Variants in DCP1B observed in about 807,000 individuals in gnomAD.
DCP1B encodes mRNA-decapping enzyme 1B.
A neutral mutation model predicts 60.5 loss-of-function variants in DCP1B; 47 were observed. The ratio of observed to expected loss-of-function variants is 0.78; its 90% CI spans 0.61 to 0.99. The LOEUF (loss-of-function observed/expected upper bound fraction) is 0.99. Among genes scored for constraint, DCP1B ranks in the 50% least tolerant of loss-of-function variants. DCP1B has a pLI of 0.00. For synonymous variants in DCP1B, 267 were observed against 280.3 expected (o/e 0.95, Z 0.47); for missense variants, 725 against 756.8 (o/e 0.96, Z 0.49).
intron 3 of DCP1B, among the ~76,000 whole-genome samples, chr12:1,973,743 A>G (rs989544609): frequency 6.6e-6 from 1 of 152,228 alleles, no homozygotes; most frequent in Non-Finnish European, 1.5e-5. Context: ...AAAAATTAGG[A>G]AGCAGAAAAG....
intron 5 of DCP1B, among the ~76,000 whole-genome samples, chr12:1,961,633 T>C (rs552221811): frequency 1.2e-4 from 18 of 152,136 alleles, no homozygotes; most frequent in Non-Finnish European, 2.1e-4. Flanking sequence ...CTTAATGTAA[T>C]AAATGAGGAA....
chr12:1,989,890 T>C (rs2038913321), intron 3 of DCP1B, among the ~76,000 whole-genome samples: 1 of 152,252 alleles, frequency 6.6e-6, no homozygotes, highest in South Asian at 2.1e-4. Context: ...ATTCAGCTTT[T>C]TGTTAAATTA....
intron 5 of DCP1B, among the ~76,000 whole-genome samples, chr12:1,959,313 A>C (rs2031034662): frequency 6.6e-6 from 1 of 152,254 alleles, no homozygotes; most frequent in Non-Finnish European, 1.5e-5. Context: ...GAGTGGAGGA[A>C]GATACCTGCA....
At chr12:1,998,035 A>G (rs542786353) in intron 1 of DCP1B, 60 bp from the exon 2 acceptor site, 3 of 1,462,818 alleles carry the variant, frequency 2.1e-6, no homozygotes, top group African/African-American at 2.9e-5. Context: ...ACAAAGGTAT[A>G]AAACAAATTC....
At chr12:1,949,021 C>A in intron 8 of DCP1B, 65 bp downstream of exon 8, 1 of 1,573,858 alleles carries the variant, frequency 6.4e-7, no homozygotes, top group South Asian at 1.2e-5. Flanking sequence ...GTCTTTATCT[C>A]ATAGTTGCAG....
At chr12:1,972,650 C>T (rs553407900) in intron 3 of DCP1B, among the ~76,000 whole-genome samples, 1 of 152,272 alleles carries the variant, frequency 6.6e-6, no homozygotes, top group African/African-American at 2.4e-5. Context: ...CTAAAACATG[C>T]CCTTCTCCCA....
chr12:1,995,499 G>T (rs1436150907), intron 2 of DCP1B, among the ~76,000 whole-genome samples: 4 of 152,254 alleles, frequency 2.6e-5, no homozygotes, highest in Admixed American at 6.5e-5. Flanking sequence ...CGGTTCTTGG[G>T]TACTCCACTG....
chr12:1,948,313 G>A lies in DCP1B; in HGVS notation c.1773+773C>T, dbSNP rs150801381. 2.1e-3 allele frequency among the ~76,000 whole-genome samples: 316 copies of A among 152,312 alleles called. 1 individual carries two copies. Among genetic ancestry groups the A allele is most frequent in the African/African-American group, 7.0e-3 (291 of 41,572 alleles). ...GGAGAGTACGTGGGAAGTGGCACTC[G>A]GGGGCCAGGCTGGGTGCATCCCAGC... On this transcript the variant is annotated intron_variant, in intron 8 of 8. Transcript: ENST00000280665. This position sits in a 1 kb window ranked among gnomAD's most constrained non-coding sequence, Gnocchi z 4.8.
rs2154457682 is a variant in DCP1B at position 1,971,021 on chromosome 12, G to T, written c.320-3111C>A. On this transcript the variant is annotated intron_variant, in intron 3 of 8. Transcript: ENST00000280665. The surrounding 1 kb of genome is among the most constrained non-coding windows in gnomAD (Gnocchi z 4.2). ...AGATCATGAGCAGGATAATTATTTA[G>T]CTTTAAAAATCAACCAATTAATATA... The T allele has an allele frequency of 8.1e-7, 1 of 1,233,996 alleles. No homozygotes were observed. The highest frequency in any genetic ancestry group is 1.3e-5 in the South Asian group (1 of 76,756). 76.4% of individuals were successfully genotyped at this position (1,233,996 alleles called of 1,614,324 possible). A position where few individuals can be genotyped will look rare whatever the true frequency, so the allele number is the denominator to read the frequency against.
intron 3 of DCP1B, among the ~76,000 whole-genome samples, chr12:1,970,196 G>A (rs2031859391): frequency 6.6e-6 from 1 of 152,092 alleles, no homozygotes; most frequent in Non-Finnish European, 1.5e-5. Context: ...GCAGATTTAG[G>A]GAGCGAAAAT....
At chr12:1,981,597 C>T (rs1019596344) in intron 3 of DCP1B, among the ~76,000 whole-genome samples, 1 of 152,132 alleles carries the variant, frequency 6.6e-6, no homozygotes, top group African/African-American at 2.4e-5. Context: ...GTCTTTCGTG[C>T]TAGGATGGTA....
In DCP1B at chr12:1,946,507, G is replaced by A. The variant is rs112996401; in HGVS notation, c.1774-221C>T. ...CCATGGTCAGTATGCACAGCAGCAA[G>A]AGCTCATTACATGCAGCACAGATGG... On this transcript the variant is annotated intron_variant, in intron 8 of 8. Transcript: ENST00000280665. Among the ~76,000 whole-genome samples the A allele has an allele frequency of 3.8e-3, 582 of 152,316 alleles. 6 individuals are homozygous for A. The highest frequency in any genetic ancestry group is 0.013 in the African/African-American group (533 of 41,574).
chr12:1,958,658 C>T (rs962602463), intron 5 of DCP1B, among the ~76,000 whole-genome samples: 6 of 146,176 alleles, frequency 4.1e-5, no homozygotes, highest in South Asian at 2.2e-4. Context: ...CAACGTCGCT[C>T]TGGGCAATGA....
At chr12:1,945,045 G>A (rs1157600407), downstream of DCP1B, among the ~76,000 whole-genome samples, 1 of 152,078 alleles carries the variant, frequency 6.6e-6, no homozygotes, top group Non-Finnish European at 1.5e-5. Context: ...CTGACAAAGG[G>A]CTAATATCCA....
chr12:1,960,550 A>G (rs1441003542), intron 5 of DCP1B, among the ~76,000 whole-genome samples: 1 of 152,260 alleles, frequency 6.6e-6, no homozygotes, highest in Non-Finnish European at 1.5e-5. Flanking sequence ...TTGCCACACA[A>G]AAATGATAAA....
At chr12:1,964,261 T>A (rs997754458) in intron 5 of DCP1B, among the ~76,000 whole-genome samples, 1 of 152,096 alleles carries the variant, frequency 6.6e-6, no homozygotes, top group African/African-American at 2.4e-5. Context: ...AATTCTATAA[T>A]TTTTAAAAAT....
chr12:1,990,840 G>A (rs937423634), intron 3 of DCP1B, among the ~76,000 whole-genome samples: 21 of 152,034 alleles, frequency 1.4e-4, no homozygotes, highest in East Asian at 3.8e-4. Context: ...CTATTAAAAC[G>A]TTTAAGAGGT....
At chr12:1,985,400 A>C (rs2037411738) in intron 3 of DCP1B, among the ~76,000 whole-genome samples, 2 of 152,176 alleles carry the variant, frequency 1.3e-5, no homozygotes. Flanking sequence ...TTTGCTATTA[A>C]GACCATCCAA....
rs943362636 is a variant in DCP1B, at chr12:1,975,070, C to T, written c.320-7160G>A. On this transcript the variant is annotated intron_variant, in intron 3 of 8. Transcript: ENST00000280665. ...GAAATATTTCTACAATTTGACATAG[C>T]AGTAGTCTAGCCAAAGGAGCCTAGT... Among the ~76,000 whole-genome samples, 9 of 152,232 alleles carry T rather than the reference C, an allele frequency of 5.9e-5. No individual in the cohort carries two copies. The South Asian group carries it at 1.9e-3, about 32-fold the overall frequency.
Sources: allele counts gnomAD v4.1 joint callset (sites outside exome capture counted in the v4.1 genomes callset), GRCh38; gene constraint gnomAD v4.1.1; non-coding constraint Gnocchi (gnomAD v3.1); transcripts MANE v1.5; gene names NCBI Gene and HGNC (gene_info 2026-07-23, HGNC 2026-07-21).